The following COL5A1 variants were observed in gnomAD, a reference collection of about 807,000 sequenced individuals.
COL5A1 encodes collagen type V alpha 1 chain.
COL5A1 carries 16 observed loss-of-function variants against 263.7 expected under a neutral mutation model. The ratio of observed to expected loss-of-function variants is 0.06; its 90% CI spans 0.04 to 0.09. The LOEUF (loss-of-function observed/expected upper bound fraction) is 0.09. Ranked by LOEUF, COL5A1 falls within the 10% of genes least tolerant of loss-of-function variation. The pLI, the probability that COL5A1 is intolerant of heterozygous loss-of-function variation, is 1.00. For missense variants in COL5A1, 2,036 were observed against 2,540.5 expected (o/e 0.80, Z 4.27); for synonymous variants, 1,012 against 1,004.5 (o/e 1.01, Z -0.14).
Position 134,692,792 on chromosome 9 carries a change from A to G in COL5A1, c.277+1713A>G, listed in dbSNP as rs753855817. 1.9e-3 allele frequency among the ~76,000 whole-genome samples: 287 copies of G among 152,288 alleles called. 1 individual carries two copies. Among genetic ancestry groups the G allele is most frequent in the Non-Finnish European group, 2.5e-3 (172 of 68,032 alleles). On this transcript the variant is annotated intron_variant, in intron 2 of 65. Coordinates refer to ENST00000371817, the MANE Select transcript of COL5A1 (RefSeq NM_000093.5). ...ATTATTGGATAAATAATCTAGGATC[A>G]GCTGGGCGCGGTGGCTCACCCTGTA...
chr9:134,753,980 AC>A, intron 15 of COL5A1, 77 bp downstream of exon 15: 1 of 1,252,374 alleles, frequency 8.0e-7, no homozygotes, highest in East Asian at 2.3e-5. Context: ...GCATGGAGGG[AC>A]CCCAACTGCT....
chr9:134,760,102 C>T (rs1388281313), intron 18 of COL5A1, among the ~76,000 whole-genome samples: 2 of 127,132 alleles, frequency 1.6e-5, no homozygotes, highest in East Asian at 2.7e-4. Context: ...CCACACACCC[C>T]CACACTCATA....
intron 18 of COL5A1, among the ~76,000 whole-genome samples, chr9:134,761,101 T>G (rs1836413692): frequency 7.6e-6 from 1 of 132,118 alleles, no homozygotes; most frequent in Non-Finnish European, 1.6e-5. Flanking sequence ...ACCCCACACA[T>G]GCACACAACC....
chr9:134,727,823 G>A (rs1431473825), intron 5 of COL5A1, among the ~76,000 whole-genome samples: 2 of 152,174 alleles, frequency 1.3e-5, no homozygotes, highest in Non-Finnish European at 2.9e-5. Flanking sequence ...TCCCTTGAGT[G>A]TAAAGTGTAC....
chr9:134,836,509 G>C lies in COL5A1; in HGVS notation c.5370+1305G>C, dbSNP rs538681194. ...CACCGGCCCAGGCCAGCTCCTGAGG[G>C]GAACGGGGCCGGCGTTAGGGCCGGC... On this transcript the variant is annotated intron_variant, in intron 65 of 65. Transcript: ENST00000371817. Among the ~76,000 whole-genome samples the C allele has an allele frequency of 1.3e-3, 195 of 152,336 alleles. 1 individual carries two copies. Among genetic ancestry groups the C allele is most frequent in the Admixed American group, 3.3e-3 (51 of 15,308 alleles).
In COL5A1 at chr9:134,835,207, G is replaced by A. The variant is rs1227405200; in HGVS notation, c.5370+3G>A. 2 of 1,612,598 alleles carry A rather than the reference G, an allele frequency of 1.2e-6. No homozygotes were observed. The highest frequency in any genetic ancestry group is 1.7e-6 in the Non-Finnish European group (2 of 1,179,362). The stretch of plus-strand genomic sequence containing the variant: ...GCGCCCTGGTGGACGGCTGTGCTGT[G>A]AGTATCCCGCGCCGCGCCCAGCACC... On this transcript the variant is annotated splice_donor_region_variant and intron_variant, in intron 65 of 65. Coordinates refer to ENST00000371817, the MANE Select transcript of COL5A1 (RefSeq NM_000093.5).
Position 134,754,389 on chromosome 9 carries a change from T to TG in COL5A1, c.1827+67dup. ...CTTGGGCGCTGGAGGAGCCCAAATC[T>TG]GGGGTGCGGGCACCCCCAACAGCCA... On this transcript the variant is annotated intron_variant, in intron 16 of 65. Transcript: ENST00000371817. The surrounding 1 kb of genome is among the most constrained non-coding windows in gnomAD (Gnocchi z 4.3). The TG allele has an allele frequency of 6.3e-7, 1 of 1,593,280 alleles. No homozygotes were observed. Among genetic ancestry groups the TG allele is most frequent in the Admixed American group, 1.7e-5 (1 of 59,972 alleles).
intron 4 of COL5A1, among the ~76,000 whole-genome samples, chr9:134,703,632 T>TG (rs1833744066): frequency 1.0e-5 from 1 of 99,154 alleles, no homozygotes; most frequent in African/African-American, 4.6e-5. Flanking sequence ...CTCGGGTTTT[T>TG]TTTTTTTTTT....
chr9:134,695,069 G>T (rs1474798205), intron 2 of COL5A1, among the ~76,000 whole-genome samples: 3 of 152,142 alleles, frequency 2.0e-5, no homozygotes, highest in Non-Finnish European at 2.9e-5. Flanking sequence ...AGCCCCACCT[G>T]AGCCCACTTC....
chr9:134,829,343 G>A (rs1230689094), intron 63 of COL5A1, among the ~76,000 whole-genome samples: 1 of 150,822 alleles, frequency 6.6e-6, no homozygotes, highest in Admixed American at 6.6e-5. Flanking sequence ...TCTCCCCGAG[G>A]GCTGGGGCCA....
At chr9:134,684,825 A>G (rs561131140) in intron 1 of COL5A1, among the ~76,000 whole-genome samples, 2 of 152,288 alleles carry the variant, frequency 1.3e-5, no homozygotes, top group Admixed American at 1.3e-4. Flanking sequence ...AAATTGCCCT[A>G]TACCTCCTGA....
At chr9:134,697,153 G>T (rs1394492930) in intron 2 of COL5A1, among the ~76,000 whole-genome samples, 1 of 152,036 alleles carries the variant, frequency 6.6e-6, no homozygotes, top group Non-Finnish European at 1.5e-5. Flanking sequence ...GAAACATGAA[G>T]TGTTCGACAG....
In COL5A1 at chr9:134,818,909, A is replaced by G. The variant is rs764596365; in HGVS notation, c.4392+8A>G. The G allele has an allele frequency of 5.0e-6, 8 of 1,612,942 alleles. No individual in the cohort carries two copies. The Admixed American group carries it at 1.3e-4, about 27-fold the overall frequency. ...GGTCCCCCCGGCCCCATGGTGAGTC[A>G]CATTCCTCATGGTGAGCATAGCGGG... is the stretch of plus-strand genomic sequence containing the variant. On this transcript the variant is annotated splice_region_variant and intron_variant, in intron 56 of 65. Transcript: ENST00000371817. The surrounding 1 kb of genome is among the most constrained non-coding windows in gnomAD (Gnocchi z 6.0).
chr9:134,642,720 T>A lies in COL5A1; in HGVS notation c.109+424T>A, dbSNP rs571942340. Among the ~76,000 whole-genome samples the A allele has an allele frequency of 2.1e-4, 32 of 152,270 alleles. No homozygotes were observed. Among genetic ancestry groups the A allele is most frequent in the African/African-American group, 7.7e-4 (32 of 41,564 alleles). On this transcript the variant is annotated intron_variant, in intron 1 of 65. Coordinates refer to ENST00000371817, the MANE Select transcript of COL5A1 (RefSeq NM_000093.5). This position sits in a 1 kb window ranked among gnomAD's most constrained non-coding sequence, Gnocchi z 4.5. ...GGCCGCCCCCTAGAGTTACAGCCCT[T>A]CAAATCCCGGGACTCCTGGGGATGG... is the stretch of plus-strand genomic sequence containing the variant.
chr9:134,669,202 T>C (rs1308831075), intron 1 of COL5A1, among the ~76,000 whole-genome samples: 1 of 137,928 alleles, frequency 7.3e-6, no homozygotes, highest in Admixed American at 7.2e-5. Flanking sequence ...CCTTTCCCTT[T>C]CCCTTTCCTT....
chr9:134,706,733 C>T (rs532978886), intron 4 of COL5A1, among the ~76,000 whole-genome samples: 2 of 152,358 alleles, frequency 1.3e-5, no homozygotes, highest in East Asian at 3.9e-4. Flanking sequence ...GCACTGTGGG[C>T]CCCCGCCTGG....
intron 25 of COL5A1, among the ~76,000 whole-genome samples, chr9:134,769,410 T>C (rs1475077375): frequency 1.3e-5 from 2 of 152,228 alleles, no homozygotes; most frequent in African/African-American, 4.8e-5. Flanking sequence ...TACTGAGTGG[T>C]TCATCTTTTC....
chr9:134,829,886 C>T (rs1034808586), intron 63 of COL5A1, 90 bp from the exon 64 acceptor site: 35 of 1,434,054 alleles, frequency 2.4e-5, no homozygotes, highest in East Asian at 4.9e-5. Flanking sequence ...GCGCGGGGGC[C>T]GGGAAAGCCT....
rs183791719 is a variant in COL5A1 at position 134,641,989 on chromosome 9, C to T, written c.-199C>T. On this transcript the variant is annotated 5_prime_UTR_variant, in exon 1 of 66. Coordinates refer to ENST00000371817, the MANE Select transcript of COL5A1 (RefSeq NM_000093.5). Reference sequence around the variant, plus strand: ...CCCGCGGGCCAAAGTCGAGCCCTCCCGCCCGTGGGCGAGCGCGCCAGCCGC... The same window carrying T: ...CCCGCGGGCCAAAGTCGAGCCCTCCTGCCCGTGGGCGAGCGCGCCAGCCGC... 294 of 448,906 alleles carry T rather than the reference C, an allele frequency of 6.5e-4. 2 individuals are homozygous for T. Among genetic ancestry groups the T allele is most frequent in the African/African-American group, 4.9e-3 (240 of 49,348 alleles). 27.8% of individuals were successfully genotyped at this position (448,906 alleles called of 1,614,324 possible).
Sources: allele counts gnomAD v4.1 joint callset (sites outside exome capture counted in the v4.1 genomes callset), GRCh38; gene constraint gnomAD v4.1.1; non-coding constraint Gnocchi (gnomAD v3.1); transcripts MANE v1.5; gene names NCBI Gene and HGNC (gene_info 2026-07-23, HGNC 2026-07-21).